Variants in PPM1A observed in about 807,000 individuals in gnomAD.
The protein encoded by PPM1A is protein phosphatase 1A.
PPM1A carries 7 observed loss-of-function variants against 35.0 expected under a neutral mutation model. That is an observed-to-expected ratio of 0.20 (90% CI 0.11 to 0.38). The LOEUF is 0.38. Ranked by LOEUF, PPM1A falls within the 10% of genes least tolerant of loss-of-function variation. The pLI, the probability that PPM1A is intolerant of heterozygous loss-of-function variation, is 1.00. For missense variants in PPM1A, 239 were observed against 467.8 expected, an observed-to-expected ratio of 0.51 and a Z score of 4.51; for synonymous variants, 153 against 167.3, an observed-to-expected ratio of 0.91 and a Z score of 0.66.
At chr14:60,265,041 G>A (rs976545064) in intron 1 of PPM1A, among the ~76,000 whole-genome samples, 1 of 152,052 alleles carries the variant, frequency 6.6e-6, no homozygotes, top group Admixed American at 6.5e-5. Flanking sequence ...CTATTGACTG[G>A]AAGTTTTTGT....
chr14:60,261,361 A>T (rs951618770), intron 1 of PPM1A, among the ~76,000 whole-genome samples: 1 of 152,196 alleles, frequency 6.6e-6, no homozygotes, highest in African/African-American at 2.4e-5. Flanking sequence ...GTTATAAAAC[A>T]TAGGTAAAAT....
Position 60,283,553 on chromosome 14 carries a change from T to A in PPM1A, c.834+16T>A, listed in dbSNP as rs1886619475. The A allele has an allele frequency of 6.3e-7, 1 of 1,582,914 alleles. No individual in the cohort carries two copies. The highest frequency in any genetic ancestry group is 8.6e-7 in the Non-Finnish European group (1 of 1,169,156). ...TTTGTATAAGGTAGCTAGACTTTTT[T>A]TAAAAACATAAAATGATTTTATGCC... is the stretch of plus-strand genomic sequence containing the variant. On this transcript the variant is annotated intron_variant, in intron 2 of 5. Transcript: ENST00000395076. The surrounding 1 kb of genome is among the most constrained non-coding windows in gnomAD (Gnocchi z 6.3).
intron 2 of PPM1A, among the ~76,000 whole-genome samples, chr14:60,284,164 A>T (rs1483991886): frequency 6.6e-6 from 1 of 152,222 alleles, no homozygotes; most frequent in Non-Finnish European, 1.5e-5. Context: ...ATGGGATAAT[A>T]TACACAGGTG....
At chr14:60,249,140 G>T, upstream of PPM1A, 1 of 798,112 alleles carries the variant, frequency 1.3e-6, no homozygotes, top group Non-Finnish European at 1.5e-6. The surrounding 1 kb of genome is among the most constrained non-coding windows in gnomAD (Gnocchi z 4.5). Context: ...CTGTAGCGGC[G>T]GCGGAGCCAG....
intron 1 of PPM1A, among the ~76,000 whole-genome samples, chr14:60,265,219 C>CGAA (rs1884233939): frequency 6.6e-6 from 1 of 152,182 alleles, no homozygotes; most frequent in East Asian, 1.9e-4. Flanking sequence ...TATTTCTTCT[C>CGAA]ACTGGACACA....
At position 60,296,676 on chromosome 14, in the gene PPM1A, A is replaced by G. The variant is rs945882681; in HGVS notation, c.*4194A>G. 10 of 348,652 alleles carry G rather than the reference A, an allele frequency of 2.9e-5. No individual in the cohort carries two copies. Among genetic ancestry groups the G allele is most frequent in the Non-Finnish European group, 5.3e-5 (10 of 190,334 alleles). The allele number at this position is 348,652 out of a possible 1,614,324, so 21.6% of individuals were successfully genotyped here. On this transcript the variant is annotated 3_prime_UTR_variant, in exon 6 of 6. Coordinates refer to ENST00000395076, the MANE Select transcript of PPM1A (RefSeq NM_021003.5). This position sits in a 1 kb window ranked among gnomAD's most constrained non-coding sequence, Gnocchi z 4.4. ...GGTTTGTATATGTTTTAAATTGTAT[A>G]TTTCCTTGGAATATGCTTGAAATAT...
intron 1 of PPM1A, among the ~76,000 whole-genome samples, chr14:60,274,113 G>C (rs1025444275): frequency 2.0e-5 from 3 of 152,172 alleles, no homozygotes; most frequent in Admixed American, 6.5e-5. Flanking sequence ...TTAATGGCTT[G>C]GGAGATGAAA....
intron 1 of PPM1A, among the ~76,000 whole-genome samples, chr14:60,252,149 A>G (rs1882502571): frequency 6.6e-6 from 1 of 152,238 alleles, no homozygotes; most frequent in Admixed American, 6.5e-5. Flanking sequence ...TCTAATAGCT[A>G]ATAGAATGTA....
intron 1 of PPM1A, among the ~76,000 whole-genome samples, chr14:60,252,291 C>T (rs759304689): frequency 2.6e-5 from 4 of 152,186 alleles, no homozygotes; most frequent in Non-Finnish European, 5.9e-5. Flanking sequence ...AGATGTAAAT[C>T]TATGCTCATG....
At chr14:60,284,641 C>CAAAAAA (rs766936496) in intron 2 of PPM1A, among the ~76,000 whole-genome samples, 1 of 78,278 alleles carries the variant, frequency 1.3e-5, no homozygotes, top group Admixed American at 1.4e-4. Flanking sequence ...GACTCCGTCT[C>CAAAAAA]AAAAAAAAAA....
chr14:60,268,216 T>C (rs964952487), intron 1 of PPM1A: 2 of 843,340 alleles, frequency 2.4e-6, no homozygotes, highest in Non-Finnish European at 2.9e-6. Flanking sequence ...TTCTTTAGTC[T>C]TTTTGCATTT....
intron 3 of PPM1A, chr14:60,288,341 TTATTTC>T (rs1887257268): frequency 1.0e-6 from 1 of 971,330 alleles, no homozygotes; most frequent in Admixed American, 6.2e-5. Context: ...TCATCAGTGT[TTATTTC>T]TATTGTATCT....
intron 1 of PPM1A, among the ~76,000 whole-genome samples, chr14:60,255,195 A>G (rs1298177769): frequency 2.4e-5 from 3 of 127,490 alleles, no homozygotes; most frequent in South Asian, 2.5e-4. Context: ...TTTTTGAGAC[A>G]GAGTCTCGCT....
At chr14:60,269,103 T>TTTGG (rs2139432537) in intron 1 of PPM1A, among the ~76,000 whole-genome samples, 1 of 152,308 alleles carries the variant, frequency 6.6e-6, no homozygotes, top group Admixed American at 6.5e-5. Context: ...CCACATCTTT[T>TTTGG]ACCAATTTAA....
chr14:60,254,857 G>C (rs1566569108), intron 1 of PPM1A, among the ~76,000 whole-genome samples: 1 of 152,244 alleles, frequency 6.6e-6, no homozygotes, highest in East Asian at 1.9e-4. Context: ...CTGGAATAAA[G>C]TTCAGAATTC....
In PPM1A at chr14:60,292,388, A is replaced by G; in HGVS notation, c.1120-65A>G. On this transcript the variant is annotated intron_variant, in intron 5 of 5. Transcript: ENST00000395076. The surrounding 1 kb of genome is among the most constrained non-coding windows in gnomAD (Gnocchi z 4.2). Reference sequence around the variant, plus strand: ...CATTATCTTTCTCCATTATCCAGAAAGTATGGTGTATTTTGGCACCGCTAA... The same window carrying G: ...CATTATCTTTCTCCATTATCCAGAAGGTATGGTGTATTTTGGCACCGCTAA... 8.4e-7 allele frequency: 1 copy of G among 1,184,766 alleles called. No homozygotes were observed. 73.4% of individuals were successfully genotyped at this position (1,184,766 alleles called of 1,614,324 possible). A position where few individuals can be genotyped will look rare whatever the true frequency, so the allele number is the denominator to read the frequency against.
chr14:60,260,864 T>G (rs1883669614), intron 1 of PPM1A, among the ~76,000 whole-genome samples: 1 of 152,282 alleles, frequency 6.6e-6, no homozygotes, highest in Non-Finnish European at 1.5e-5. Flanking sequence ...TTTTACAACT[T>G]AAATAACAAT....
At chr14:60,248,065 G>C (rs1223337433), upstream of PPM1A, among the ~76,000 whole-genome samples, 1 of 152,158 alleles carries the variant, frequency 6.6e-6, no homozygotes, top group Non-Finnish European at 1.5e-5. Context: ...GACAAGAGAG[G>C]GAAGGGCACC....
At chr14:60,262,931 A>T (rs996177095) in intron 1 of PPM1A, among the ~76,000 whole-genome samples, 9 of 152,172 alleles carry the variant, frequency 5.9e-5, no homozygotes, top group Non-Finnish European at 1.2e-4. Context: ...TGACATGAAT[A>T]GTTCCTGGGT....
Sources: allele counts gnomAD v4.1 joint callset (sites outside exome capture counted in the v4.1 genomes callset), GRCh38; gene constraint gnomAD v4.1.1; non-coding constraint Gnocchi (gnomAD v3.1); transcripts MANE v1.5; gene names NCBI Gene and HGNC (gene_info 2026-07-23, HGNC 2026-07-21).